Variants in CSGALNACT1 observed in about 807,000 individuals in gnomAD.
CSGALNACT1 encodes the protein beta4GalNAcT-1.
CSGALNACT1 carries 52 observed loss-of-function variants against 51.0 expected under a neutral mutation model. That is an observed-to-expected ratio of 1.02 (90% CI 0.82 to 1.29). CSGALNACT1 has a LOEUF of 1.29. CSGALNACT1 is among the 50% of genes most tolerant of loss of function. The probability of loss-of-function intolerance (pLI) is 0.00; values close to 1 mark genes in which losing one functional copy is unlikely to be tolerated. For synonymous variants in CSGALNACT1, 341 were observed against 254.4 expected (o/e 1.34, Z -3.24); for missense variants, 935 against 679.2 (o/e 1.38, Z -4.19).
chr8:19,504,250 G>A (rs1028791605), intron 4 of CSGALNACT1, among the ~76,000 whole-genome samples: 1 of 152,062 alleles, frequency 6.6e-6, no homozygotes, highest in African/African-American at 2.4e-5. Context: ...CTAATTTTTT[G>A]TATTTTTAGT....
intron 5 of CSGALNACT1, among the ~76,000 whole-genome samples, chr8:19,448,998 C>A (rs148802601): frequency 1.3e-5 from 2 of 152,054 alleles, no homozygotes; most frequent in Admixed American, 6.5e-5. Flanking sequence ...GGTCATCTCC[C>A]CTCCCCTGTG....
In CSGALNACT1 at chr8:19,480,349, G is replaced by C. The variant is rs144018236; in HGVS notation, c.635-21707C>G. On this transcript the variant is annotated intron_variant, in intron 4 of 9. Transcript: ENST00000454498. Reference sequence around the variant, plus strand: ...TTCATCATTTAGCTACCACTTATTGGTGAGAACACGCAGTATTTGGTCTTC... The same window carrying C: ...TTCATCATTTAGCTACCACTTATTGCTGAGAACACGCAGTATTTGGTCTTC... 4.0e-4 allele frequency among the ~76,000 whole-genome samples: 61 copies of C among 152,260 alleles called. No homozygotes were observed. In the Middle Eastern group the frequency reaches 0.017, roughly 42 times the overall value.
Position 19,505,196 on chromosome 8 carries a change from C to A in CSGALNACT1, c.634+5G>T, listed in dbSNP as rs200374988. ...TCCTTTCCCCCCAATTCACAAAATG[C>A]TAACCTTCTATGAAATCAGAGGCCG... On this transcript the variant is annotated splice_donor_5th_base_variant and intron_variant, in intron 4 of 9. Coordinates refer to ENST00000454498, the Ensembl canonical transcript of CSGALNACT1. 6.2e-7 allele frequency: 1 copy of A among 1,614,150 alleles called. No individual in the cohort carries two copies. The highest frequency in any genetic ancestry group is 8.5e-7 in the Non-Finnish European group (1 of 1,180,010).
At chr8:19,746,194 A>C (rs1259267945) in intron 1 of CSGALNACT1, among the ~76,000 whole-genome samples, 2 of 152,174 alleles carry the variant, frequency 1.3e-5, no homozygotes, top group East Asian at 1.9e-4. Context: ...CTAGCGTAGT[A>C]ATATATTCCT....
At chr8:19,744,024 TGAATGGTAATGCCA>T (rs2064486508) in intron 1 of CSGALNACT1, among the ~76,000 whole-genome samples, 1 of 152,216 alleles carries the variant, frequency 6.6e-6, no homozygotes, top group Admixed American at 6.5e-5. Flanking sequence ...ACTATTATTC[TGAATGGTAATGCCA>T]GGCTTGCCCT....
intron 4 of CSGALNACT1, among the ~76,000 whole-genome samples, chr8:19,463,725 C>A (rs2066060692): frequency 6.6e-6 from 1 of 152,182 alleles, no homozygotes. Context: ...AACACCCTAC[C>A]TGGCACCTCC....
chr8:19,721,806 CT>C (rs1439642131), intron 1 of CSGALNACT1, among the ~76,000 whole-genome samples: 1 of 152,172 alleles, frequency 6.6e-6, no homozygotes, highest in Non-Finnish European at 1.5e-5. Flanking sequence ...TGCTAATTGG[CT>C]TTAGCTGTTC....
At chr8:19,652,347 G>C (rs921488231) in intron 1 of CSGALNACT1, among the ~76,000 whole-genome samples, 1 of 152,066 alleles carries the variant, frequency 6.6e-6, no homozygotes, top group East Asian at 1.9e-4. Context: ...TCAAGGAGGG[G>C]GAGTTGATAT....
intron 1 of CSGALNACT1, among the ~76,000 whole-genome samples, chr8:19,711,337 G>T (rs1339624507): frequency 6.6e-6 from 1 of 152,016 alleles, no homozygotes; most frequent in South Asian, 2.1e-4. Context: ...AGGAGGGTGG[G>T]GCAAGGAAGA....
chr8:19,696,526 A>C (rs1037526386), intron 1 of CSGALNACT1, among the ~76,000 whole-genome samples: 1 of 152,140 alleles, frequency 6.6e-6, no homozygotes, highest in Non-Finnish European at 1.5e-5. Context: ...GGAAGCAACC[A>C]CCTGTGGCTG....
At chr8:19,497,000 T>C (rs1490658996) in intron 4 of CSGALNACT1, among the ~76,000 whole-genome samples, 1 of 152,036 alleles carries the variant, frequency 6.6e-6, no homozygotes, top group African/African-American at 2.4e-5. Flanking sequence ...GCCTCCCCTC[T>C]ATGGAGCAAA....
chr8:19,577,000 G>A (rs776138011), intron 3 of CSGALNACT1, among the ~76,000 whole-genome samples: 8 of 151,712 alleles, frequency 5.3e-5, no homozygotes, highest in Non-Finnish European at 1.0e-4. Flanking sequence ...CAACCCTCTC[G>A]CCCTCCACAC....
intron 3 of CSGALNACT1, among the ~76,000 whole-genome samples, chr8:19,509,786 T>G (rs1214256369): frequency 1.3e-5 from 2 of 152,196 alleles, no homozygotes; most frequent in Middle Eastern, 3.4e-3. Context: ...GAGTTAAAAT[T>G]TATATGTTCA....
upstream of CSGALNACT1, among the ~76,000 whole-genome samples, chr8:19,685,708 C>T (rs947981320): frequency 3.3e-5 from 5 of 152,164 alleles, no homozygotes; most frequent in Admixed American, 1.3e-4. Flanking sequence ...GTCCCTCCCT[C>T]AGTACAGATC....
At chr8:19,618,216 G>A (rs528994103) in intron 1 of CSGALNACT1, among the ~76,000 whole-genome samples, 2 of 152,298 alleles carry the variant, frequency 1.3e-5, no homozygotes, top group South Asian at 4.1e-4. Context: ...TGTACTCATT[G>A]TTGCTGAGAA....
At chr8:19,730,126 T>C (rs2154244871) in intron 1 of CSGALNACT1, among the ~76,000 whole-genome samples, 1 of 152,274 alleles carries the variant, frequency 6.6e-6, no homozygotes, top group South Asian at 2.1e-4. Flanking sequence ...ACGACTCTCA[T>C]CTGCCTGAGT....
chr8:19,648,025 A>T (rs115083389), intron 1 of CSGALNACT1, among the ~76,000 whole-genome samples: 1 of 152,188 alleles, frequency 6.6e-6, no homozygotes, highest in Admixed American at 6.5e-5. Context: ...AAGTAAATAC[A>T]TTGTTGCTCA....
chr8:19,668,635 A>G, intron 1 of CSGALNACT1, among the ~76,000 whole-genome samples: 1 of 152,012 alleles, frequency 6.6e-6, no homozygotes, highest in Non-Finnish European at 1.5e-5. Flanking sequence ...GCTCACTACA[A>G]CCTCCACCTC....
intron 2 of CSGALNACT1, among the ~76,000 whole-genome samples, chr8:19,598,918 A>T (rs752009018): frequency 4.6e-5 from 7 of 152,200 alleles, no homozygotes; most frequent in East Asian, 1.9e-4. Flanking sequence ...TTGGTGCCTT[A>T]TAAGAGCCAG....
Sources: gnomAD v4.1 joint callset for allele counts (sites outside exome capture counted in the v4.1 genomes callset) on GRCh38, gnomAD v4.1.1 for gene constraint, MANE v1.5 for transcripts, NCBI Gene and HGNC (gene_info 2026-07-23, HGNC 2026-07-21) for gene names.